The following ATP6V1C2 variants were observed in gnomAD, a reference collection of about 807,000 sequenced individuals.
The protein encoded by ATP6V1C2 is V-type proton ATPase subunit C 2.
Under a neutral mutation model 56.8 loss-of-function variants are expected in ATP6V1C2, and 45 were observed. The observed-to-expected ratio is 0.79, with a 90% CI of 0.62 to 1.02. The LOEUF is 1.02. ATP6V1C2 is among the 50% of genes least tolerant of loss of function. ATP6V1C2 has a pLI of 0.00. For synonymous variants in ATP6V1C2, 220 were observed against 201.3 expected (o/e 1.09, Z -0.79); for missense variants, 463 against 519.7 (o/e 0.89, Z 1.06).
At chr2:10,770,816 A>C (rs1055943970) in intron 6 of ATP6V1C2, among the ~76,000 whole-genome samples, 28 of 152,354 alleles carry the variant, frequency 1.8e-4, no homozygotes, top group Admixed American at 3.9e-4. Flanking sequence ...TTGTACACAA[A>C]CCAAGTATGC....
intron 2 of ATP6V1C2, among the ~76,000 whole-genome samples, chr2:10,726,185 C>G (rs1432810866): frequency 6.6e-6 from 1 of 152,194 alleles, no homozygotes; most frequent in African/African-American, 2.4e-5. Context: ...TCTTCCTCAG[C>G]TATGGGGATT....
intron 4 of ATP6V1C2, among the ~76,000 whole-genome samples, chr2:10,757,899 T>C (rs1274846167): frequency 6.6e-6 from 1 of 152,170 alleles, no homozygotes; most frequent in Admixed American, 6.5e-5. Context: ...TCCAGGGCAG[T>C]CCCGGTGCCC....
intron 3 of ATP6V1C2, among the ~76,000 whole-genome samples, chr2:10,736,801 CTTTTT>C (rs35166388): frequency 1.9e-5 from 2 of 102,638 alleles, no homozygotes; most frequent in African/African-American, 3.4e-5. Flanking sequence ...AGATATTGTG[CTTTTT>C]TTTTTTTTTT....
intron 5 of ATP6V1C2, among the ~76,000 whole-genome samples, chr2:10,767,551 G>A (rs113089818): frequency 0.19 from 28,336 of 151,318 alleles, 2,824 homozygotes; most frequent in African/African-American, 0.23. Context: ...TCCACCTCCC[G>A]GGTTCAAGCA....
intron 3 of ATP6V1C2, among the ~76,000 whole-genome samples, chr2:10,739,072 G>A (rs922332313): frequency 1.7e-4 from 26 of 152,038 alleles, no homozygotes; most frequent in Non-Finnish European, 2.8e-4. Flanking sequence ...ACCTGGGGTC[G>A]GAAGTTGGAG....
intron 3 of ATP6V1C2, among the ~76,000 whole-genome samples, chr2:10,746,422 C>G (rs1455737239): frequency 4.5e-5 from 6 of 132,544 alleles, no homozygotes; most frequent in Non-Finnish European, 8.3e-5. Flanking sequence ...CTTCTTTTTT[C>G]TTTTTTTTGA....
chr2:10,782,599 A>G (rs1665436711), intron 13 of ATP6V1C2, among the ~76,000 whole-genome samples: 1 of 151,978 alleles, frequency 6.6e-6, no homozygotes, highest in Admixed American at 6.6e-5. Flanking sequence ...TCAGGAGGCC[A>G]AGGCGGGTGG....
rs543769390 is a variant in ATP6V1C2 at position 10,749,293 on chromosome 2, A to G, written c.198-4688A>G. Among the ~76,000 whole-genome samples, 4 of 152,182 alleles carry G rather than the reference A, an allele frequency of 2.6e-5. No homozygotes were observed. In the South Asian group the frequency reaches 8.3e-4, roughly 32 times the overall value. ...GAGGATCACTTGAGGCCAGGAGTTC[A>G]AGACCGGTCTGGGCAACATAGCAAG... On this transcript the variant is annotated intron_variant, in intron 3 of 13. Coordinates refer to ENST00000272238, the MANE Select transcript of ATP6V1C2 (RefSeq NM_001039362.2).
chr2:10,747,232 C>T (rs1662966867), intron 3 of ATP6V1C2, among the ~76,000 whole-genome samples: 1 of 152,168 alleles, frequency 6.6e-6, no homozygotes, highest in African/African-American at 2.4e-5. Context: ...CACACCATTG[C>T]ACTCAAGCTT....
intron 8 of ATP6V1C2, among the ~76,000 whole-genome samples, chr2:10,773,620 T>G (rs1235232050): frequency 6.6e-6 from 1 of 152,170 alleles, no homozygotes. Context: ...TGACCTCAGG[T>G]GATCCGCCTG....
chr2:10,754,856 C>T (rs554055105), intron 4 of ATP6V1C2, among the ~76,000 whole-genome samples: 6 of 152,070 alleles, frequency 3.9e-5, no homozygotes, highest in South Asian at 2.1e-4. Flanking sequence ...GGATTACAGG[C>T]GTGAGCCACC....
intron 10 of ATP6V1C2, among the ~76,000 whole-genome samples, chr2:10,776,189 C>T (rs1664960768): frequency 6.6e-6 from 1 of 151,878 alleles, no homozygotes; most frequent in African/African-American, 2.4e-5. Context: ...AGGGAGGAAA[C>T]AACAGCTGAT....
chr2:10,752,543 C>T (rs13406760), intron 3 of ATP6V1C2, among the ~76,000 whole-genome samples: 1 of 152,212 alleles, frequency 6.6e-6, no homozygotes, highest in Non-Finnish European at 1.5e-5. Context: ...CCTAGTTTGA[C>T]TTGTTTTCCA....
intron 3 of ATP6V1C2, among the ~76,000 whole-genome samples, chr2:10,738,893 C>T (rs567508636): frequency 2.5e-4 from 38 of 152,320 alleles, no homozygotes; most frequent in African/African-American, 8.9e-4. Flanking sequence ...CTGTGGGCTC[C>T]ACCTCCAAAA....
intron 3 of ATP6V1C2, among the ~76,000 whole-genome samples, chr2:10,743,121 AC>A: frequency 6.6e-6 from 1 of 151,990 alleles, no homozygotes; most frequent in Middle Eastern, 3.4e-3. Flanking sequence ...ACCATGATTG[AC>A]TTTTTGTTTT....
chr2:10,764,811 A>G (rs1242828011), intron 5 of ATP6V1C2, among the ~76,000 whole-genome samples: 1 of 152,202 alleles, frequency 6.6e-6, no homozygotes, highest in Non-Finnish European at 1.5e-5. Flanking sequence ...CTCTACTAAA[A>G]AATACAAAAA....
chr2:10,781,415 C>G (rs1665343587), intron 12 of ATP6V1C2, among the ~76,000 whole-genome samples: 1 of 151,964 alleles, frequency 6.6e-6, no homozygotes, highest in African/African-American at 2.4e-5. Context: ...GAAGTGGAGG[C>G]TGCAGTGAGC....
intron 3 of ATP6V1C2, among the ~76,000 whole-genome samples, chr2:10,747,354 C>T (rs1310914715): frequency 6.6e-6 from 1 of 152,162 alleles, no homozygotes; most frequent in East Asian, 1.9e-4. Flanking sequence ...TTTGTCTCTG[C>T]TTCTGTCTTT....
chr2:10,735,653 T>C (rs976076160), intron 3 of ATP6V1C2, among the ~76,000 whole-genome samples: 4 of 151,678 alleles, frequency 2.6e-5, no homozygotes, highest in African/African-American at 9.7e-5. Context: ...GTGTTAGTCA[T>C]GATCACAGCT....
Sources: allele counts gnomAD v4.1 joint callset (sites outside exome capture counted in the v4.1 genomes callset), GRCh38; gene constraint gnomAD v4.1.1; transcripts MANE v1.5; gene names NCBI Gene and HGNC (gene_info 2026-07-23, HGNC 2026-07-21).